LHFPL3: variants seen among roughly 807,000 people sequenced by gnomAD.
LHFPL3 encodes the protein LHFPL tetraspan subfamily member 3.
In LHFPL3, 5 loss-of-function variants were observed where a neutral mutation model predicts 19.3. The observed-to-expected ratio is 0.26, with a 90% CI of 0.14 to 0.54. LHFPL3 has a LOEUF of 0.54. LHFPL3 is among the 20% of genes least tolerant of loss of function. The probability of loss-of-function intolerance (pLI) is 0.94; values close to 1 mark genes in which losing one functional copy is unlikely to be tolerated. For missense variants in LHFPL3, 249 were observed against 307.4 expected, an observed-to-expected ratio of 0.81 and a Z score of 1.42; for synonymous variants, 133 against 126.2, an observed-to-expected ratio of 1.05 and a Z score of -0.36.
At chr7:104,680,966 A>ATTT (rs1792683721) in intron 1 of LHFPL3, among the ~76,000 whole-genome samples, 1 of 152,236 alleles carries the variant, frequency 6.6e-6, no homozygotes, top group Non-Finnish European at 1.5e-5. Flanking sequence ...TCAAACCTAA[A>ATTT]ACAGCTTAAA....
At chr7:104,661,257 G>A (rs1018863134) in intron 1 of LHFPL3, among the ~76,000 whole-genome samples, 2 of 152,216 alleles carry the variant, frequency 1.3e-5, no homozygotes, top group African/African-American at 4.8e-5. Context: ...CTTCAGAAGT[G>A]TCACTGCATT....
intron 1 of LHFPL3, chr7:104,668,004 G>A (rs571137038): frequency 2.7e-5 from 44 of 1,613,540 alleles, no homozygotes; most frequent in South Asian, 1.6e-4. Context: ...ACCCAATATC[G>A]ACCGGAGCCG....
intron 1 of LHFPL3, among the ~76,000 whole-genome samples, chr7:104,697,190 C>T (rs1183958754): frequency 3.9e-5 from 6 of 152,264 alleles, no homozygotes; most frequent in African/African-American, 1.4e-4. Context: ...TCTCTTAATA[C>T]TATCACATTG....
intron 1 of LHFPL3, among the ~76,000 whole-genome samples, chr7:104,532,388 T>C (rs554078786): frequency 5.0e-5 from 7 of 141,248 alleles, no homozygotes; most frequent in African/African-American, 1.5e-4. Context: ...CTCAAAATCC[T>C]GGCCTCAAAT....
intron 1 of LHFPL3, among the ~76,000 whole-genome samples, chr7:104,586,487 T>C (rs1201925790): frequency 6.6e-6 from 1 of 152,270 alleles, no homozygotes; most frequent in Non-Finnish European, 1.5e-5. Context: ...AAATAATTGA[T>C]TTTTCAAAGC....
chr7:104,416,155 C>T (rs191988527), intron 1 of LHFPL3, among the ~76,000 whole-genome samples: 9 of 152,184 alleles, frequency 5.9e-5, no homozygotes, highest in Admixed American at 5.9e-4. Flanking sequence ...GAGAGAGACA[C>T]AAAGGGAGAA....
intron 1 of LHFPL3, among the ~76,000 whole-genome samples, chr7:104,558,161 C>G (rs1789893835): frequency 6.6e-6 from 1 of 151,414 alleles, no homozygotes; most frequent in South Asian, 2.1e-4. Context: ...GTCTTTATAG[C>G]AGCATGATTT....
chr7:104,545,841 A>G (rs1794570060), intron 1 of LHFPL3, among the ~76,000 whole-genome samples: 1 of 152,238 alleles, frequency 6.6e-6, no homozygotes, highest in South Asian at 2.1e-4. Context: ...TTCATGGGTC[A>G]GCATCCTGCC....
intron 2 of LHFPL3, among the ~76,000 whole-genome samples, chr7:104,892,440 T>TGG (rs1792268191): frequency 6.6e-6 from 1 of 152,094 alleles, no homozygotes; most frequent in African/African-American, 2.4e-5. Flanking sequence ...TCGTAGGGCA[T>TGG]GGTGGCTCAC....
intron 1 of LHFPL3, among the ~76,000 whole-genome samples, chr7:104,582,057 T>C (rs1790471637): frequency 1.3e-5 from 2 of 152,038 alleles, no homozygotes; most frequent in Non-Finnish European, 2.9e-5. Context: ...ATATGACTGA[T>C]AACTATACTA....
rs143193497 is a variant in LHFPL3 at position 104,416,499 on chromosome 7, C to T, written c.445+87275C>T. 2.6e-5 allele frequency among the ~76,000 whole-genome samples: 4 copies of T among 152,312 alleles called. No homozygotes were observed. The East Asian group carries it at 7.7e-4, about 29-fold the overall frequency. On this transcript the variant is annotated intron_variant, in intron 1 of 2. Coordinates refer to ENST00000424859, the MANE Select transcript of LHFPL3 (RefSeq NM_199000.3). ...TCCGTGGCCCTACTTTCTAAATCAC[C>T]AACTCCCCTTTAAAGCATGGCAAAA...
chr7:104,628,937 T>C (rs1276261005), intron 1 of LHFPL3, among the ~76,000 whole-genome samples: 1 of 152,202 alleles, frequency 6.6e-6, no homozygotes, highest in African/African-American at 2.4e-5. Context: ...ATGAATGATT[T>C]GCCTCAGCAC....
intron 1 of LHFPL3, among the ~76,000 whole-genome samples, chr7:104,442,992 T>G (rs10487211): frequency 0.043 from 6,554 of 152,280 alleles, 491 homozygotes; most frequent in African/African-American, 0.15. Context: ...GATCTAGTGA[T>G]TAGTGACCAA....
At chr7:104,783,357 C>T (rs537620420) in intron 2 of LHFPL3, among the ~76,000 whole-genome samples, 102 of 152,350 alleles carry the variant, frequency 6.7e-4, no homozygotes, top group Admixed American at 1.2e-3. Flanking sequence ...ACTTATTTAA[C>T]CCCAGTGGGC....
intron 1 of LHFPL3, among the ~76,000 whole-genome samples, chr7:104,585,161 C>T (rs1183300311): frequency 2.0e-5 from 3 of 152,036 alleles, no homozygotes; most frequent in Non-Finnish European, 4.4e-5. Context: ...CTCCTACTGT[C>T]TGCCCTCTAG....
chr7:104,710,963 T>C (rs138289623), intron 1 of LHFPL3, among the ~76,000 whole-genome samples: 40 of 152,322 alleles, frequency 2.6e-4, no homozygotes, highest in African/African-American at 9.1e-4. Context: ...ATACCATTAG[T>C]GTCCAAGGAT....
chr7:104,330,846 T>G (rs1801554642), intron 1 of LHFPL3, among the ~76,000 whole-genome samples: 1 of 152,204 alleles, frequency 6.6e-6, no homozygotes, highest in African/African-American at 2.4e-5. Flanking sequence ...TGGCTGTTCT[T>G]GACACTTAGC....
intron 1 of LHFPL3, among the ~76,000 whole-genome samples, chr7:104,586,872 A>G (rs4730025): frequency 1.9e-3 from 282 of 152,150 alleles, no homozygotes; most frequent in Non-Finnish European, 3.2e-3. Flanking sequence ...CGGAAAAGTC[A>G]ATAGAGCTTT....
chr7:104,861,069 A>G (rs778081973), intron 2 of LHFPL3, among the ~76,000 whole-genome samples: 14 of 152,230 alleles, frequency 9.2e-5, no homozygotes, highest in Non-Finnish European at 1.9e-4. Context: ...ATAATAAGAG[A>G]GAGCCGGTGA....
Sources: allele counts gnomAD v4.1 joint callset (sites outside exome capture counted in the v4.1 genomes callset), GRCh38; gene constraint gnomAD v4.1.1; transcripts MANE v1.5; gene names NCBI Gene and HGNC (gene_info 2026-07-23, HGNC 2026-07-21).